Variants in RARB observed in about 807,000 individuals in gnomAD.
RARB encodes the protein HBV-activated protein.
RARB carries 17 observed loss-of-function variants against 51.9 expected under a neutral mutation model. The observed-to-expected ratio is 0.33, with a 90% CI of 0.22 to 0.49. The LOEUF (loss-of-function observed/expected upper bound fraction) is 0.49. Among genes scored for constraint, RARB ranks in the 20% least tolerant of loss-of-function variants. The pLI, the probability that RARB is intolerant of heterozygous loss-of-function variation, is 0.99. For synonymous variants in RARB, 215 were observed against 195.4 expected (o/e 1.10, Z -0.84); for missense variants, 369 against 550.8 (o/e 0.67, Z 3.30).
chr3:24,890,726 T>C (rs1040544525), intron 2 of RARB, among the ~76,000 whole-genome samples: 10 of 152,196 alleles, frequency 6.6e-5, no homozygotes, highest in South Asian at 2.1e-4. Flanking sequence ...TCTGGCCTTA[T>C]ACAAACCCTT....
chr3:25,374,645 C>T (rs936763513), intron 5 of RARB, among the ~76,000 whole-genome samples: 9 of 152,038 alleles, frequency 5.9e-5, no homozygotes, highest in African/African-American at 2.2e-4. Context: ...CAGTCTCCAA[C>T]CAGAAGCCAG....
At chr3:25,130,178 G>C (rs936399781) in intron 3 of RARB, among the ~76,000 whole-genome samples, 1 of 151,978 alleles carries the variant, frequency 6.6e-6, no homozygotes, top group South Asian at 2.1e-4. Context: ...TACAGGTAGG[G>C]GAATAAAGCA....
intron 3 of RARB, among the ~76,000 whole-genome samples, chr3:25,532,862 G>A (rs1041821326): frequency 5.3e-5 from 8 of 152,128 alleles, no homozygotes; most frequent in Non-Finnish European, 8.8e-5. Flanking sequence ...GGAAAGAAAG[G>A]CATTGCTTTT....
chr3:25,186,876 A>C (rs1355331600), intron 5 of RARB, among the ~76,000 whole-genome samples: 2 of 138,852 alleles, frequency 1.4e-5, no homozygotes, highest in East Asian at 4.6e-4. Flanking sequence ...CCCAAAGAAA[A>C]AGGTAAGCCT....
intron 2 of RARB, among the ~76,000 whole-genome samples, chr3:24,966,377 G>A (rs113528376): frequency 6.6e-6 from 1 of 152,194 alleles, no homozygotes; most frequent in Non-Finnish European, 1.5e-5. Flanking sequence ...GTGAGTATTG[G>A]TTTAACACTT....
chr3:24,951,628 C>T (rs1283080883), intron 2 of RARB, among the ~76,000 whole-genome samples: 1 of 152,174 alleles, frequency 6.6e-6, no homozygotes, highest in East Asian at 1.9e-4. Context: ...GGGCCTGTCT[C>T]TGGTACACTC....
At chr3:24,893,511 A>G (rs1703425999) in intron 2 of RARB, among the ~76,000 whole-genome samples, 1 of 152,264 alleles carries the variant, frequency 6.6e-6, no homozygotes. Context: ...ATGCCTGTAT[A>G]TGTAATACTG....
intron 3 of RARB, among the ~76,000 whole-genome samples, chr3:25,520,489 C>A (rs1227352064): frequency 2.0e-5 from 3 of 152,134 alleles, no homozygotes; most frequent in South Asian, 4.1e-4. Flanking sequence ...ACAAATGCAA[C>A]TAACTATGAA....
chr3:25,151,181 A>G (rs952881395), intron 4 of RARB, among the ~76,000 whole-genome samples: 2 of 152,214 alleles, frequency 1.3e-5, no homozygotes, highest in Non-Finnish European at 2.9e-5. Context: ...GCATTTCTGA[A>G]TTAAAGCACT....
intron 1 of RARB, 126 bp from the exon 2 acceptor site, chr3:25,461,067 A>T: frequency 9.0e-7 from 1 of 1,111,238 alleles, no homozygotes; most frequent in Non-Finnish European, 1.2e-6. Flanking sequence ...AGCTGTTTTT[A>T]TGAGCCCATT....
intron 1 of RARB, among the ~76,000 whole-genome samples, chr3:25,435,164 TG>T (rs151091696): frequency 0.038 from 5,764 of 152,306 alleles, 336 homozygotes; most frequent in African/African-American, 0.13. Context: ...AAAGAATCAC[TG>T]TCCTAATTTG....
chr3:25,190,185 T>C (rs917465967), intron 5 of RARB, among the ~76,000 whole-genome samples: 16 of 109,060 alleles, frequency 1.5e-4, no homozygotes, highest in Non-Finnish European at 1.8e-5. Context: ...AGGAGACCAG[T>C]AGAAACAAAT....
chr3:24,969,011 T>C (rs776395854), intron 2 of RARB, among the ~76,000 whole-genome samples: 3 of 152,084 alleles, frequency 2.0e-5, no homozygotes, highest in Non-Finnish European at 4.4e-5. Context: ...AGTAAGACTT[T>C]CTACAATCAA....
At chr3:25,475,293 A>G (rs1221591192) in intron 2 of RARB, among the ~76,000 whole-genome samples, 1 of 152,160 alleles carries the variant, frequency 6.6e-6, no homozygotes, top group Non-Finnish European at 1.5e-5. Context: ...CACTACGTAC[A>G]CTATCAGAAA....
At chr3:25,207,057 T>C (rs1272781069) in intron 5 of RARB, among the ~76,000 whole-genome samples, 2 of 152,198 alleles carry the variant, frequency 1.3e-5, no homozygotes, top group South Asian at 2.1e-4. Flanking sequence ...AATCACAGAA[T>C]CATGAGGTTA....
chr3:25,286,615 C>T (rs1703663424), intron 5 of RARB, among the ~76,000 whole-genome samples: 1 of 152,182 alleles, frequency 6.6e-6, no homozygotes, highest in Admixed American at 6.5e-5. Flanking sequence ...CTCCTTACTC[C>T]TCCATTCAGG....
chr3:25,150,385 C>T (rs1373482130), intron 4 of RARB, among the ~76,000 whole-genome samples: 1 of 152,164 alleles, frequency 6.6e-6, no homozygotes, highest in Non-Finnish European at 1.5e-5. Flanking sequence ...CCAATCCTGG[C>T]TGGCAGCATT....
intron 3 of RARB, among the ~76,000 whole-genome samples, chr3:25,095,980 T>C (rs2125318999): frequency 6.6e-6 from 1 of 152,268 alleles, no homozygotes; most frequent in Admixed American, 6.5e-5. Flanking sequence ...GTGAAGGGGC[T>C]GAATTATGAA....
intron 3 of RARB, among the ~76,000 whole-genome samples, chr3:25,121,332 A>G (rs1699780257): frequency 6.6e-6 from 1 of 152,152 alleles, no homozygotes; most frequent in African/African-American, 2.4e-5. Flanking sequence ...GCCATAAAGA[A>G]CATTGCTCAC....
Sources: allele counts gnomAD v4.1 joint callset (sites outside exome capture counted in the v4.1 genomes callset), GRCh38; gene constraint gnomAD v4.1.1; transcripts MANE v1.5; gene names NCBI Gene and HGNC (gene_info 2026-07-23, HGNC 2026-07-21).